Variants in RIMS3 observed in about 807,000 individuals in gnomAD.
RIMS3 encodes regulating synaptic membrane exocytosis protein 3.
RIMS3 carries 15 observed loss-of-function variants against 29.2 expected under a neutral mutation model. That is an observed-to-expected ratio of 0.51 (90% CI 0.34 to 0.79). RIMS3 has a LOEUF of 0.79. RIMS3 is among the 30% of genes least tolerant of loss of function. The pLI is 0.01. For missense variants in RIMS3, 342 were observed against 421.4 expected (o/e 0.81, Z 1.65); for synonymous variants, 161 against 170.1 (o/e 0.95, Z 0.41).
At chr1:40,657,746 CAAAA>C (rs34448324) in intron 1 of RIMS3, among the ~76,000 whole-genome samples, 104 of 88,100 alleles carry the variant, frequency 1.2e-3, no homozygotes, top group African/African-American at 4.4e-3. Context: ...GACAATGTCT[CAAAA>C]AAAAAAAAAA....
At chr1:40,653,350 T>C (rs1036276995) in intron 1 of RIMS3, among the ~76,000 whole-genome samples, 3 of 150,740 alleles carry the variant, frequency 2.0e-5, no homozygotes, top group Admixed American at 6.6e-5. Context: ...TGGTGAAGAG[T>C]AGGAGAGGAA....
chr1:40,631,445 G>A (rs1646488595), intron 5 of RIMS3, among the ~76,000 whole-genome samples: 1 of 152,194 alleles, frequency 6.6e-6, no homozygotes, highest in East Asian at 1.9e-4. Flanking sequence ...GGCCAAGGCA[G>A]GCGGATTGCC....
the RIMS3 span, among the ~76,000 whole-genome samples, chr1:40,683,555 T>A: frequency 6.6e-6 from 1 of 152,268 alleles, no homozygotes; most frequent in Non-Finnish European, 1.5e-5. Flanking sequence ...CTTTCCAGCC[T>A]CCAGAACCAC....
At chr1:40,666,075 C>A (rs185485024), upstream of RIMS3, among the ~76,000 whole-genome samples, 1 of 152,310 alleles carries the variant, frequency 6.6e-6, no homozygotes, top group African/African-American at 2.4e-5. Flanking sequence ...AAACGACTTA[C>A]AAACGTCAAG....
rs556111463 is a variant in RIMS3, at chr1:40,657,343, C to T, written c.-207+8051G>A. ...CTGCTATCTGCCCGTGAGACCTTCA[C>T]AATCCCAAACAGCAAGCAGACAAAT... On this transcript the variant is annotated intron_variant, in intron 1 of 7. Transcript: ENST00000372684. Among the ~76,000 whole-genome samples, 8 of 152,250 alleles carry T rather than the reference C, an allele frequency of 5.3e-5. No homozygotes were observed. The East Asian group carries it at 9.7e-4, about 18-fold the overall frequency.
chr1:40,648,583 T>C (rs1322094667), intron 1 of RIMS3, among the ~76,000 whole-genome samples: 2 of 152,194 alleles, frequency 1.3e-5, no homozygotes, highest in Admixed American at 1.3e-4. Context: ...AGGATTGGGA[T>C]GTGGTAAATG....
At chr1:40,637,657 T>C (rs919121671) in intron 3 of RIMS3, among the ~76,000 whole-genome samples, 2 of 152,142 alleles carry the variant, frequency 1.3e-5, no homozygotes, top group Non-Finnish European at 2.9e-5. Context: ...TCACAAATGG[T>C]CCTACCAGGT....
Position 40,636,368 on chromosome 1 carries a change from C to T in RIMS3, c.218-311G>A, listed in dbSNP as rs1460861753. Among the ~76,000 whole-genome samples, 1 of 152,202 alleles carries T rather than the reference C, an allele frequency of 6.6e-6. No individual in the cohort carries two copies. Among genetic ancestry groups the T allele is most frequent in the Non-Finnish European group, 1.5e-5 (1 of 68,022 alleles). On this transcript the variant is annotated intron_variant, in intron 3 of 7. Coordinates refer to ENST00000372684, the MANE Select transcript of RIMS3 (RefSeq NM_014747.3). The surrounding 1 kb of genome is among the most constrained non-coding windows in gnomAD (Gnocchi z 4.2). ...GGGCCCTCGCCTCACCCTCATCAGG[C>T]TCCCCTGACGCCCACCTTCCCACTC...
At chr1:40,685,436 A>G in the RIMS3 span, among the ~76,000 whole-genome samples, 1 of 150,954 alleles carries the variant, frequency 6.6e-6, no homozygotes, top group East Asian at 1.9e-4. Context: ...TGAGAGAGCC[A>G]TCGCACAGTG....
intron 2 of RIMS3, among the ~76,000 whole-genome samples, chr1:40,647,151 T>A (rs1363021561): frequency 6.6e-6 from 1 of 152,104 alleles, no homozygotes; most frequent in African/African-American, 2.4e-5. Flanking sequence ...AGTGCTGGGA[T>A]TACAAGTGTG....
chr1:40,638,991 A>G (rs1646539040), intron 3 of RIMS3, among the ~76,000 whole-genome samples: 1 of 152,164 alleles, frequency 6.6e-6, no homozygotes. Flanking sequence ...GAGGCAGGAG[A>G]GCTAGAGAGG....
At chr1:40,674,682 TTCTC>T in the RIMS3 span, among the ~76,000 whole-genome samples, 1 of 152,096 alleles carries the variant, frequency 6.6e-6, no homozygotes, top group Admixed American at 6.6e-5. Context: ...CCATTTCTTC[TTCTC>T]TCTCTCTTTC....
chr1:40,657,760 A>T (rs1452777440), intron 1 of RIMS3, among the ~76,000 whole-genome samples: 3 of 151,568 alleles, frequency 2.0e-5, no homozygotes, highest in African/African-American at 7.3e-5. Context: ...AAAAAAAAAA[A>T]AAAAAAAAAA....
chr1:40,672,055 G>A, the RIMS3 span, among the ~76,000 whole-genome samples: 1 of 151,998 alleles, frequency 6.6e-6, no homozygotes, highest in Non-Finnish European at 1.5e-5. Context: ...ACCGTGCCCA[G>A]CCTCCCTTTT....
chr1:40,648,047 TGTC>T (rs1646606685), intron 1 of RIMS3, among the ~76,000 whole-genome samples: 2 of 152,226 alleles, frequency 1.3e-5, no homozygotes, highest in African/African-American at 4.8e-5. Flanking sequence ...GGTACTTGGA[TGTC>T]AAGCTGCTGA....
At chr1:40,674,930 T>C in the RIMS3 span, among the ~76,000 whole-genome samples, 1 of 152,250 alleles carries the variant, frequency 6.6e-6, no homozygotes, top group East Asian at 1.9e-4. Flanking sequence ...CAATCTAAGA[T>C]GGGCTGATTC....
In RIMS3 at chr1:40,635,547, T is replaced by C. The variant is rs1277987811; in HGVS notation, c.359+369A>G. ...AGCCTCCTTGAGAAAATTCCACTCA[T>C]CTGGGCCACAACAATGGTTTTAGAT... is the stretch of plus-strand genomic sequence containing the variant. On this transcript the variant is annotated intron_variant, in intron 4 of 7. Coordinates refer to ENST00000372684, the MANE Select transcript of RIMS3 (RefSeq NM_014747.3). The surrounding 1 kb of genome is among the most constrained non-coding windows in gnomAD (Gnocchi z 4.1). Among the ~76,000 whole-genome samples the C allele has an allele frequency of 3.3e-5, 5 of 152,222 alleles. No homozygotes were observed. Among genetic ancestry groups the C allele is most frequent in the African/African-American group, 7.2e-5 (3 of 41,466 alleles).
Position 40,635,636 on chromosome 1 carries a change from C to T in RIMS3, c.359+280G>A, listed in dbSNP as rs567031240. Among the ~76,000 whole-genome samples the T allele has an allele frequency of 4.5e-4, 68 of 152,146 alleles. No individual in the cohort carries two copies. The highest frequency in any genetic ancestry group is 8.5e-4 in the Admixed American group (13 of 15,288). On this transcript the variant is annotated intron_variant, in intron 4 of 7. Transcript: ENST00000372684. The surrounding 1 kb of genome is among the most constrained non-coding windows in gnomAD (Gnocchi z 4.1). Reference sequence around the variant, plus strand: ...TTCCTCTGGAGCAGGGCAGTGTGTGCGTGGTGGGAGGTGGGAGGTGGGAGG... The same window carrying T: ...TTCCTCTGGAGCAGGGCAGTGTGTGTGTGGTGGGAGGTGGGAGGTGGGAGG...
the RIMS3 span, among the ~76,000 whole-genome samples, chr1:40,684,254 G>T: frequency 2.0e-5 from 3 of 152,216 alleles, no homozygotes; most frequent in Non-Finnish European, 4.4e-5. Flanking sequence ...GGATCTAGGT[G>T]TTCAAAGGAT....
Sources: allele counts gnomAD v4.1 joint callset (sites outside exome capture counted in the v4.1 genomes callset), GRCh38; gene constraint gnomAD v4.1.1; non-coding constraint Gnocchi (gnomAD v3.1); transcripts MANE v1.5; gene names NCBI Gene and HGNC (gene_info 2026-07-23, HGNC 2026-07-21).